Variants in GALM observed in about 807,000 individuals in gnomAD.
GALM encodes aldose 1-epimerase.
In GALM, 43 loss-of-function variants were observed where a neutral mutation model predicts 37.4. That is an observed-to-expected ratio of 1.15 (90% CI 0.90 to 1.48). GALM has a LOEUF of 1.48. GALM is among the 40% of genes most tolerant of loss of function. The probability of loss-of-function intolerance (pLI) is 0.00; values close to 1 mark genes in which losing one functional copy is unlikely to be tolerated. For missense variants in GALM, 456 were observed against 419.1 expected (o/e 1.09, Z -0.77); for synonymous variants, 199 against 170.6 (o/e 1.17, Z -1.30).
intron 4 of GALM, among the ~76,000 whole-genome samples, chr2:38,691,236 C>CTA (rs1406978655): frequency 6.6e-6 from 1 of 152,166 alleles, no homozygotes; most frequent in Non-Finnish European, 1.5e-5. Flanking sequence ...TCTTCTCATG[C>CTA]TATCCGGTTG....
At chr2:38,688,266 C>T (rs1211498913) in intron 3 of GALM, among the ~76,000 whole-genome samples, 1 of 151,818 alleles carries the variant, frequency 6.6e-6, no homozygotes, top group East Asian at 1.9e-4. Flanking sequence ...AATCCCAGCA[C>T]TTTGGGAGGC....
intron 3 of GALM, among the ~76,000 whole-genome samples, chr2:38,682,835 G>A (rs2148430416): frequency 6.6e-6 from 1 of 151,868 alleles, no homozygotes; most frequent in Non-Finnish European, 1.5e-5. Flanking sequence ...GGCGGAGGTT[G>A]CAGTGAGCTG....
At chr2:38,727,556 G>T (rs1213358049) in intron 4 of GALM, among the ~76,000 whole-genome samples, 3 of 151,644 alleles carry the variant, frequency 2.0e-5, no homozygotes, top group Admixed American at 2.0e-4. Flanking sequence ...GTGAAACCCC[G>T]TCTCTACTAA....
intron 4 of GALM, among the ~76,000 whole-genome samples, chr2:38,704,691 A>G (rs1240431168): frequency 6.6e-6 from 1 of 151,868 alleles, no homozygotes; most frequent in Non-Finnish European, 1.5e-5. Context: ...AAAAAAAAGT[A>G]AGGCTACAGA....
rs570728859 is a variant in GALM, at chr2:38,686,247, T to C, written c.553-3566T>C. On this transcript the variant is annotated intron_variant, in intron 3 of 6. Coordinates refer to ENST00000272252, the MANE Select transcript of GALM (RefSeq NM_138801.3). ...TTCTTTCTTTCTTTCTTTCTTTCTT[T>C]CTTTCTTTCTTTCTTTCTTTCTTTC... Among the ~76,000 whole-genome samples the C allele has an allele frequency of 8.8e-3, 1,041 of 118,182 alleles. 66 individuals carry two copies. The East Asian group carries it at 0.091, about 10-fold the overall frequency. The allele number at this position is 118,182 out of a possible 152,430, so 77.5% of individuals were successfully genotyped here.
chr2:38,728,808 A>G (rs1432408239), intron 4 of GALM, among the ~76,000 whole-genome samples: 1 of 152,172 alleles, frequency 6.6e-6, no homozygotes, highest in Non-Finnish European at 1.5e-5. Flanking sequence ...CCTGCTACAG[A>G]GGAAACTGGT....
chr2:38,711,855 C>CACA (rs1459735936), intron 4 of GALM, among the ~76,000 whole-genome samples: 17 of 129,762 alleles, frequency 1.3e-4, no homozygotes, highest in African/African-American at 4.2e-4. Flanking sequence ...TCACCACCAC[C>CACA]ATCATCATCA....
intron 4 of GALM, among the ~76,000 whole-genome samples, chr2:38,712,169 G>T (rs1170731842): frequency 1.3e-5 from 2 of 152,110 alleles, no homozygotes; most frequent in African/African-American, 4.8e-5. Context: ...TTGGATTCCT[G>T]GTTCTGTCAT....
chr2:38,675,589 G>GTGTGTGT (rs1665240236), intron 1 of GALM, among the ~76,000 whole-genome samples: 1 of 128,430 alleles, frequency 7.8e-6, no homozygotes, highest in Non-Finnish European at 1.6e-5. Flanking sequence ...GTGTGTGTGT[G>GTGTGTGT]ATGGAGTCTC....
At chr2:38,694,468 A>G (rs1393084576) in intron 4 of GALM, among the ~76,000 whole-genome samples, 1 of 152,060 alleles carries the variant, frequency 6.6e-6, no homozygotes, top group Admixed American at 6.6e-5. Context: ...CAGGAAACCA[A>G]GTTTGTTTAA....
At chr2:38,694,506 A>G (rs1665755248) in intron 4 of GALM, among the ~76,000 whole-genome samples, 1 of 152,144 alleles carries the variant, frequency 6.6e-6, no homozygotes, top group Non-Finnish European at 1.5e-5. Flanking sequence ...GAGAGAGAGA[A>G]AGAGGAAGGA....
Position 38,733,472 on chromosome 2 carries a change from T to A in GALM, c.952-16T>A. ...CTGCGGTGTCAAGCATCACCTGTGT[T>A]GTTTCCCCTTCACAGCCCCGCTTCC... On this transcript the variant is annotated splice_polypyrimidine_tract_variant and intron_variant, in intron 6 of 6. Coordinates refer to ENST00000272252, the MANE Select transcript of GALM (RefSeq NM_138801.3). 1 of 1,609,706 alleles carries A rather than the reference T, an allele frequency of 6.2e-7. No individual in the cohort carries two copies. Among genetic ancestry groups the A allele is most frequent in the South Asian group, 1.1e-5 (1 of 90,996 alleles).
Position 38,734,303 on chromosome 2 carries a change from A to G in GALM, c.*738A>G, listed in dbSNP as rs1450945156. 1 of 146,788 alleles carries G rather than the reference A, an allele frequency of 6.8e-6. No individual in the cohort carries two copies. Among genetic ancestry groups the G allele is most frequent in the Admixed American group, 7.3e-5 (1 of 13,616 alleles). The allele number at this position is 146,788 out of a possible 1,614,324, so 9.1% of individuals were successfully genotyped here. A position where few individuals can be genotyped will look rare whatever the true frequency, so the allele number is the denominator to read the frequency against. ...CTACTTGGGAGGCTGAAGCAGGAGA[A>G]TCGCTTGAACCTGGGAGGTGGAGGT... On this transcript the variant is annotated 3_prime_UTR_variant, in exon 7 of 7. Transcript: ENST00000272252.
chr2:38,730,109 C>T (rs1297971040), intron 5 of GALM, among the ~76,000 whole-genome samples: 2 of 152,224 alleles, frequency 1.3e-5, no homozygotes, highest in African/African-American at 4.8e-5. Flanking sequence ...CCGCCTCCAG[C>T]CTTGACCGAT....
At position 38,673,796 on chromosome 2, in the gene GALM, C is replaced by T. The variant is rs184682278; in HGVS notation, c.191-2116C>T. 1.5e-3 allele frequency among the ~76,000 whole-genome samples: 198 copies of T among 131,310 alleles called. 7 individuals are homozygous for T. In the East Asian group the frequency reaches 0.026, roughly 17 times the overall value. The allele number at this position is 131,310 out of a possible 152,430, so 86.1% of individuals were successfully genotyped here. On this transcript the variant is annotated intron_variant, in intron 1 of 6. Transcript: ENST00000272252. Reference sequence around the variant, plus strand: ...CTGTACTCCAGCCTGGGCGACAGAGCGAGACTCCGTCTCAAAAAAAAAAAA... The same window carrying T: ...CTGTACTCCAGCCTGGGCGACAGAGTGAGACTCCGTCTCAAAAAAAAAAAA...
chr2:38,708,126 A>ATAAAG (rs1666078068), intron 4 of GALM, among the ~76,000 whole-genome samples: 1 of 149,748 alleles, frequency 6.7e-6, no homozygotes, highest in South Asian at 2.1e-4. Context: ...ATAAAATAAA[A>ATAAAG]TAAAATAAAA....
intron 3 of GALM, among the ~76,000 whole-genome samples, chr2:38,687,520 G>A (rs570895484): frequency 6.6e-6 from 1 of 151,832 alleles, no homozygotes; most frequent in African/African-American, 2.4e-5. Context: ...GACCAGCCTG[G>A]CCAACATGGT....
intron 4 of GALM, among the ~76,000 whole-genome samples, chr2:38,709,287 GCAGA>G (rs771665199): frequency 2.6e-5 from 4 of 152,148 alleles, no homozygotes; most frequent in African/African-American, 4.8e-5. Context: ...CTAGGAGGCT[GCAGA>G]CAGACAGTGG....
chr2:38,704,122 G>T (rs1665988030), intron 4 of GALM, among the ~76,000 whole-genome samples: 1 of 151,722 alleles, frequency 6.6e-6, no homozygotes, highest in African/African-American at 2.4e-5. Context: ...CCACAAAGGG[G>T]GTTTTCTTAT....
Sources: allele counts gnomAD v4.1 joint callset (sites outside exome capture counted in the v4.1 genomes callset), GRCh38; gene constraint gnomAD v4.1.1; transcripts MANE v1.5; gene names NCBI Gene and HGNC (gene_info 2026-07-23, HGNC 2026-07-21).